The following CCDC91 variants were observed in gnomAD, a reference collection of about 807,000 sequenced individuals.
CCDC91 encodes coiled-coil domain-containing protein 91.
Under a neutral mutation model 63.2 loss-of-function variants are expected in CCDC91, and 48 were observed. The observed-to-expected ratio is 0.76, with a 90% confidence interval of 0.60 to 0.97. The LOEUF (loss-of-function observed/expected upper bound fraction) is 0.97. Among genes scored for constraint, CCDC91 ranks in the 50% least tolerant of loss-of-function variants. The pLI is 0.00. For synonymous variants in CCDC91, 167 were observed against 165.8 expected (o/e 1.01, Z -0.06); for missense variants, 500 against 494.6 (o/e 1.01, Z -0.10).
intron 8 of CCDC91, among the ~76,000 whole-genome samples, chr12:28,424,266 G>T (rs910610120): frequency 6.6e-6 from 1 of 152,006 alleles, no homozygotes; most frequent in Admixed American, 6.6e-5. Context: ...CTGTTACTTT[G>T]TGAAACCTAA....
chr12:28,228,728 A>C (rs920224021), intron 1 of CCDC91, among the ~76,000 whole-genome samples: 1 of 152,118 alleles, frequency 6.6e-6, no homozygotes, highest in African/African-American at 2.4e-5. Flanking sequence ...AGTATGTGTT[A>C]AGCACATTTC....
chr12:28,503,572 A>G (rs563914801), intron 12 of CCDC91, among the ~76,000 whole-genome samples: 5 of 152,186 alleles, frequency 3.3e-5, no homozygotes, highest in Admixed American at 6.6e-5. Context: ...TGACCCAGCA[A>G]TCCCATCACT....
At chr12:28,287,307 C>T (rs138827954) in intron 3 of CCDC91, among the ~76,000 whole-genome samples, 1 of 152,176 alleles carries the variant, frequency 6.6e-6, no homozygotes, top group Non-Finnish European at 1.5e-5. Flanking sequence ...AATGGTATTG[C>T]CTAGGTTGTC....
At chr12:28,210,809 T>A (rs1943182315) in intron 1 of CCDC91, among the ~76,000 whole-genome samples, 1 of 151,958 alleles carries the variant, frequency 6.6e-6, no homozygotes. Context: ...AAGTACTCAT[T>A]GCCTAAGCTG....
intron 1 of CCDC91, among the ~76,000 whole-genome samples, chr12:28,246,636 TTTAGAA>T (rs1349421666): frequency 6.6e-6 from 1 of 152,064 alleles, no homozygotes; most frequent in Non-Finnish European, 1.5e-5. Flanking sequence ...ACATGATTGT[TTTAGAA>T]ATAGTTATAC....
intron 12 of CCDC91, among the ~76,000 whole-genome samples, chr12:28,543,938 T>A (rs918648885): frequency 2.6e-5 from 4 of 152,038 alleles, no homozygotes; most frequent in Non-Finnish European, 4.4e-5. Context: ...AAACCTGAAC[T>A]GTTCTTAAGC....
At chr12:28,539,387 T>C (rs555643690) in intron 12 of CCDC91, among the ~76,000 whole-genome samples, 1 of 152,178 alleles carries the variant, frequency 6.6e-6, no homozygotes, top group Non-Finnish European at 1.5e-5. Flanking sequence ...TTCTTGTTTT[T>C]GTCAGGTTTG....
intron 11 of CCDC91, among the ~76,000 whole-genome samples, chr12:28,473,252 C>A (rs1950912560): frequency 6.6e-6 from 1 of 152,100 alleles, no homozygotes; most frequent in Admixed American, 6.6e-5. Context: ...TACTGCTAAG[C>A]CATTGGACTG....
chr12:28,417,849 T>C (rs560128008), intron 8 of CCDC91, among the ~76,000 whole-genome samples: 1 of 152,226 alleles, frequency 6.6e-6, no homozygotes, highest in Non-Finnish European at 1.5e-5. Context: ...GTTTCTGTTA[T>C]TTAGTATAAT....
chr12:28,365,022 A>C lies in CCDC91; in HGVS notation c.654+2507A>C, dbSNP rs115756209. Reference sequence around the variant, plus strand: ...TCATATGATTAATCAATATGCAATGAATTTTCACTGATTTAAAAGTATTTA... The same window carrying C: ...TCATATGATTAATCAATATGCAATGCATTTTCACTGATTTAAAAGTATTTA... On this transcript the variant is annotated intron_variant, in intron 7 of 12. Transcript: ENST00000536442. 9.2e-3 allele frequency among the ~76,000 whole-genome samples: 1,403 copies of C among 152,308 alleles called. 27 individuals carry two copies. The highest frequency in any genetic ancestry group is 0.032 in the African/African-American group (1,333 of 41,574).
chr12:28,279,436 A>G (rs560196065), intron 3 of CCDC91, among the ~76,000 whole-genome samples: 5 of 152,116 alleles, frequency 3.3e-5, no homozygotes, highest in African/African-American at 9.7e-5. Context: ...AGAGCAATCT[A>G]TTCTTAAGGT....
chr12:28,447,608 T>G (rs938547982), intron 8 of CCDC91, among the ~76,000 whole-genome samples: 4 of 149,416 alleles, frequency 2.7e-5, no homozygotes, highest in Non-Finnish European at 5.9e-5. Flanking sequence ...CCCAGCACTT[T>G]GGGAAGCTAA....
intron 8 of CCDC91, among the ~76,000 whole-genome samples, chr12:28,399,951 G>A (rs1340628765): frequency 6.6e-6 from 1 of 152,144 alleles, no homozygotes; most frequent in Non-Finnish European, 1.5e-5. Flanking sequence ...GTAAGCTGTT[G>A]GTGGAACTAC....
chr12:28,462,124 C>T lies in CCDC91; in HGVS notation c.1101+9470C>T, dbSNP rs527732169. The stretch of plus-strand genomic sequence containing the variant: ...GAAACCAGATGAACTACCAGCTTGT[C>T]GATATTTGTTTATGTTACATTTCTT... On this transcript the variant is annotated intron_variant, in intron 11 of 12. Coordinates refer to ENST00000536442, the MANE Select transcript of CCDC91 (RefSeq NM_018318.5). 2.6e-5 allele frequency among the ~76,000 whole-genome samples: 4 copies of T among 151,750 alleles called. No homozygotes were observed. The East Asian group carries it at 5.8e-4, about 22-fold the overall frequency.
At chr12:28,205,377 T>C (rs1225873034) in intron 1 of CCDC91, among the ~76,000 whole-genome samples, 1 of 152,112 alleles carries the variant, frequency 6.6e-6, no homozygotes, top group South Asian at 2.1e-4. Flanking sequence ...AGGTTATTCA[T>C]ACTAAAGTCA....
chr12:28,405,752 T>A (rs1305735197), intron 8 of CCDC91, among the ~76,000 whole-genome samples: 1 of 152,172 alleles, frequency 6.6e-6, no homozygotes, highest in Non-Finnish European at 1.5e-5. Flanking sequence ...AAAAGTGACT[T>A]CTTTGGTAGT....
chr12:28,192,004 T>C (rs994901979), intron 1 of CCDC91, among the ~76,000 whole-genome samples: 7 of 152,336 alleles, frequency 4.6e-5, no homozygotes, highest in Middle Eastern at 3.4e-3. Flanking sequence ...AACAAAGTGA[T>C]GAAAGTTACA....
intron 8 of CCDC91, among the ~76,000 whole-genome samples, chr12:28,430,856 G>A (rs1360421819): frequency 6.6e-6 from 1 of 152,036 alleles, no homozygotes; most frequent in Non-Finnish European, 1.5e-5. Context: ...TTTTCTTGGG[G>A]TCTGCTTACC....
At chr12:28,430,069 T>TATTA (rs1193916707) in intron 8 of CCDC91, among the ~76,000 whole-genome samples, 1 of 152,074 alleles carries the variant, frequency 6.6e-6, no homozygotes, top group Non-Finnish European at 1.5e-5. Context: ...GGAAGACTAT[T>TATTA]ATAAGTGTTA....
Sources: allele counts gnomAD v4.1 joint callset (sites outside exome capture counted in the v4.1 genomes callset), GRCh38; gene constraint gnomAD v4.1.1; transcripts MANE v1.5; gene names NCBI Gene and HGNC (gene_info 2026-07-23, HGNC 2026-07-21).